SSBP2: variants seen among roughly 807,000 people sequenced by gnomAD.
The protein encoded by SSBP2 is single stranded DNA binding protein 2.
A neutral mutation model predicts 61.8 loss-of-function variants in SSBP2; 17 were observed. The ratio of observed to expected loss-of-function variants is 0.28; its 90% CI spans 0.19 to 0.41. The LOEUF is 0.41. Ranked by LOEUF, SSBP2 falls within the 10% of genes least tolerant of loss-of-function variation. The pLI, the probability that SSBP2 is intolerant of heterozygous loss-of-function variation, is 1.00. For synonymous variants in SSBP2, 139 were observed against 141.3 expected (o/e 0.98, Z 0.12); for missense variants, 310 against 458.7 (o/e 0.68, Z 2.96).
In SSBP2 at chr5:81,439,833, G is replaced by A. The variant is rs910938418; in HGVS notation, c.928+725C>T. 2.0e-5 allele frequency among the ~76,000 whole-genome samples: 3 copies of A among 151,836 alleles called. 1 individual carries two copies. The highest frequency in any genetic ancestry group is 4.4e-5 in the Non-Finnish European group (3 of 67,936). On this transcript the variant is annotated intron_variant, in intron 14 of 16. Transcript: ENST00000320672. Reference sequence around the variant, plus strand: ...ACTACAGGCACCCACCACCGCGCCTGGCTAATTTTTTGTATTTTTAGTAGA... The same window carrying A: ...ACTACAGGCACCCACCACCGCGCCTAGCTAATTTTTTGTATTTTTAGTAGA...
chr5:81,664,700 T>G (rs1750965642), intron 1 of SSBP2, among the ~76,000 whole-genome samples: 1 of 152,214 alleles, frequency 6.6e-6, no homozygotes, highest in South Asian at 2.1e-4. Flanking sequence ...TGATTTCTAA[T>G]TTCTATACAC....
intron 9 of SSBP2, among the ~76,000 whole-genome samples, chr5:81,461,487 G>GT (rs1320912829): frequency 6.6e-6 from 1 of 151,748 alleles, no homozygotes; most frequent in Non-Finnish European, 1.5e-5. Flanking sequence ...TGAGCTTCCT[G>GT]TATCTCATTC....
chr5:81,463,871 CCA>C (rs1224758680), intron 9 of SSBP2, among the ~76,000 whole-genome samples: 1 of 150,750 alleles, frequency 6.6e-6, no homozygotes, highest in African/African-American at 2.4e-5. Flanking sequence ...CGGGCTCAAG[CCA>C]TTCTCGTGCC....
chr5:81,542,824 T>C (rs1771390847), intron 4 of SSBP2, among the ~76,000 whole-genome samples: 1 of 128,004 alleles, frequency 7.8e-6, no homozygotes, highest in South Asian at 2.6e-4. Context: ...AGTTTCTCTC[T>C]CTCTCTCTCT....
chr5:81,482,067 G>C (rs1470678488), intron 6 of SSBP2, among the ~76,000 whole-genome samples: 1 of 151,930 alleles, frequency 6.6e-6, no homozygotes, highest in East Asian at 2.0e-4. Flanking sequence ...TCAGCCTCCT[G>C]AGTAGCTGGG....
At position 81,455,358 on chromosome 5, in the gene SSBP2, G is replaced by T. The variant is rs987607442; in HGVS notation, c.687+5697C>A. On this transcript the variant is annotated intron_variant, in intron 10 of 16. Coordinates refer to ENST00000320672, the MANE Select transcript of SSBP2 (RefSeq NM_012446.5). ...TTCTAGGCCGGGCGCGGTGGCTCACGCCTGTAATCCCAGCACTTTGGGAGG... is the reference window on the plus strand; with the variant it reads ...TTCTAGGCCGGGCGCGGTGGCTCACTCCTGTAATCCCAGCACTTTGGGAGG... 1.7e-4 allele frequency among the ~76,000 whole-genome samples: 9 copies of T among 53,676 alleles called. 1 individual carries two copies. The South Asian group carries it at 4.0e-3, about 24-fold the overall frequency. The allele number at this position is 53,676 out of a possible 152,430, so 35.2% of individuals were successfully genotyped here.
intron 4 of SSBP2, among the ~76,000 whole-genome samples, chr5:81,613,557 T>C (rs1392366286): frequency 6.6e-6 from 1 of 152,236 alleles, no homozygotes; most frequent in African/African-American, 2.4e-5. Context: ...ATCTCCATGT[T>C]GAACAGTAGG....
intron 5 of SSBP2, among the ~76,000 whole-genome samples, chr5:81,491,741 A>G (rs138658522): frequency 5.9e-4 from 90 of 152,342 alleles, no homozygotes; most frequent in African/African-American, 2.1e-3. Context: ...AAAACCACTT[A>G]TAAACTCTAA....
intron 8 of SSBP2, among the ~76,000 whole-genome samples, chr5:81,467,573 T>C (rs1171518736): frequency 2.6e-5 from 4 of 152,030 alleles, no homozygotes; most frequent in African/African-American, 7.2e-5. Context: ...AACTAATGTA[T>C]ATTCAAAATA....
At chr5:81,462,170 T>TA (rs1308651355) in intron 9 of SSBP2, among the ~76,000 whole-genome samples, 59 of 148,320 alleles carry the variant, frequency 4.0e-4, no homozygotes, top group East Asian at 5.9e-4. Flanking sequence ...GATGAGCTAA[T>TA]AAAAAAAAAA....
rs544515523 is a variant in SSBP2 at position 81,412,968 on chromosome 5, C to A, written c.*7536G>T. On this transcript the variant is annotated 3_prime_UTR_variant, in exon 17 of 17. Transcript: ENST00000320672. ...GCATATAGATCCTTTGATATTAGAA[C>A]CTCCTGAATTTTATATAAGGCATAA... The A allele has an allele frequency of 1.4e-4, 21 of 152,120 alleles. No homozygotes were observed. The highest frequency in any genetic ancestry group is 5.1e-4 in the African/African-American group (21 of 41,498). The allele number at this position is 152,120 out of a possible 1,614,324, so 9.4% of individuals were successfully genotyped here. A position where few individuals can be genotyped will look rare whatever the true frequency, so the allele number is the denominator to read the frequency against.
intron 3 of SSBP2, among the ~76,000 whole-genome samples, chr5:81,624,698 T>C (rs1357048057): frequency 1.3e-5 from 2 of 152,162 alleles, no homozygotes; most frequent in Non-Finnish European, 2.9e-5. Context: ...AAATATATGA[T>C]TTTAGTCCAC....
intron 3 of SSBP2, among the ~76,000 whole-genome samples, chr5:81,629,683 T>A (rs1441547415): frequency 2.0e-5 from 3 of 152,236 alleles, no homozygotes. Flanking sequence ...ATTTCTTTTT[T>A]AAGTTTATTT....
chr5:81,518,187 T>TA (rs1561493260), intron 4 of SSBP2, among the ~76,000 whole-genome samples: 1 of 152,142 alleles, frequency 6.6e-6, no homozygotes, highest in South Asian at 2.1e-4. Flanking sequence ...GAAATTAAAA[T>TA]AGTGCTATGA....
intron 3 of SSBP2, 29 bp from the exon 4 acceptor site, chr5:81,615,586 A>AAAATC: frequency 7.2e-7 from 1 of 1,395,862 alleles, no homozygotes; most frequent in Non-Finnish European, 1.0e-6. Flanking sequence ...TAACATTAAG[A>AAAATC]AAATCATACA....
rs570325529 is a variant in SSBP2 at position 81,714,363 on chromosome 5, A to G, written c.62+36618T>C. ...GCTATTGTGAATAGTGCTGCAATAA[A>G]CATACATGTGCATGTGCCTTTATAG... On this transcript the variant is annotated intron_variant, in intron 1 of 16. Transcript: ENST00000320672. Among the ~76,000 whole-genome samples, 19 of 152,322 alleles carry G rather than the reference A, an allele frequency of 1.2e-4. No individual in the cohort carries two copies. In the South Asian group the frequency reaches 3.7e-3, roughly 30 times the overall value.
upstream of SSBP2, among the ~76,000 whole-genome samples, chr5:81,751,445 C>T (rs1167451848): frequency 6.6e-6 from 1 of 152,200 alleles, no homozygotes; most frequent in Non-Finnish European, 1.5e-5. Flanking sequence ...CCCCTCCCCC[C>T]GCGCCGCCCG....
chr5:81,693,110 C>A (rs947967457), intron 1 of SSBP2, among the ~76,000 whole-genome samples: 3 of 149,584 alleles, frequency 2.0e-5, no homozygotes, highest in Non-Finnish European at 3.0e-5. Context: ...GAGGCCGAGG[C>A]AGGAGAATCG....
chr5:81,604,297 T>G (rs1165728085), intron 4 of SSBP2, among the ~76,000 whole-genome samples: 2 of 151,348 alleles, frequency 1.3e-5, no homozygotes, highest in Non-Finnish European at 2.9e-5. Flanking sequence ...TGTGTTCATA[T>G]AGCAAAAAAC....
Sources: allele counts gnomAD v4.1 joint callset (sites outside exome capture counted in the v4.1 genomes callset), GRCh38; gene constraint gnomAD v4.1.1; transcripts MANE v1.5; gene names NCBI Gene and HGNC (gene_info 2026-07-23, HGNC 2026-07-21).